Variants in UNC13C observed in about 807,000 individuals in gnomAD.
UNC13C encodes protein unc-13 homolog C.
A neutral mutation model predicts 245.4 loss-of-function variants in UNC13C; 174 were observed. The ratio of observed to expected loss-of-function variants is 0.71; its 90% CI spans 0.63 to 0.80. The LOEUF (loss-of-function observed/expected upper bound fraction) is 0.80. Ranked by LOEUF, UNC13C falls within the 30% of genes least tolerant of loss-of-function variation. The probability of loss-of-function intolerance (pLI) is 0.00; values close to 1 mark genes in which losing one functional copy is unlikely to be tolerated. For missense variants in UNC13C, 2,829 were observed against 2,602.9 expected, an observed-to-expected ratio of 1.09 and a Z score of -1.89; for synonymous variants, 992 against 895.1, an observed-to-expected ratio of 1.11 and a Z score of -1.93.
intron 2 of UNC13C, among the ~76,000 whole-genome samples, chr15:54,060,206 G>A (rs1897746935): frequency 6.6e-6 from 1 of 152,126 alleles, no homozygotes; most frequent in African/African-American, 2.4e-5. Context: ...GAGAATTTTT[G>A]CAACCTACTC....
the UNC13C span, among the ~76,000 whole-genome samples, chr15:53,970,442 A>G: frequency 6.6e-6 from 1 of 152,140 alleles, no homozygotes; most frequent in Admixed American, 6.6e-5. Context: ...CCACTCATCC[A>G]TTGATGGGCA....
chr15:53,888,844 A>G, the UNC13C span, among the ~76,000 whole-genome samples: 2 of 152,162 alleles, frequency 1.3e-5, no homozygotes, highest in African/African-American at 4.8e-5. Context: ...AGGTTTGTCA[A>G]AGATCAGATG....
the UNC13C span, among the ~76,000 whole-genome samples, chr15:53,842,181 ATTAGTC>A: frequency 6.6e-6 from 1 of 152,188 alleles, no homozygotes; most frequent in South Asian, 2.1e-4. Flanking sequence ...TGAAAAGAGT[ATTAGTC>A]TTAAGAGGGG....
Position 54,422,621 on chromosome 15 carries a change from AC to A in UNC13C, c.4933+7555del, listed in dbSNP as rs766669059. Among the ~76,000 whole-genome samples the A allele has an allele frequency of 7.2e-5, 11 of 151,914 alleles. No individual in the cohort carries two copies. The East Asian group carries it at 1.8e-3, about 24-fold the overall frequency. ...CCTTAACTGAGCCAAATGTCTTCCC[AC>A]ACCAGGGCATTCATATTTGCTTGCT... On this transcript the variant is annotated intron_variant, in intron 19 of 32. Transcript: ENST00000260323.
chr15:54,098,134 C>T (rs370562684), intron 2 of UNC13C, among the ~76,000 whole-genome samples: 2 of 152,108 alleles, frequency 1.3e-5, no homozygotes, highest in South Asian at 2.1e-4. Context: ...TGGGCTAAAG[C>T]ACATCCTCCA....
the UNC13C span, among the ~76,000 whole-genome samples, chr15:53,937,324 A>G: frequency 6.6e-6 from 1 of 152,218 alleles, no homozygotes; most frequent in Non-Finnish European, 1.5e-5. Flanking sequence ...ACAGGCAGGC[A>G]AGAATAGAGA....
At chr15:54,258,861 T>G (rs1272588311) in intron 8 of UNC13C, among the ~76,000 whole-genome samples, 1 of 152,186 alleles carries the variant, frequency 6.6e-6, no homozygotes, top group Non-Finnish European at 1.5e-5. Flanking sequence ...ACTAACAAGC[T>G]CAAGACTAAA....
chr15:53,965,567 T>TTTATTTA, the UNC13C span, among the ~76,000 whole-genome samples: 3 of 128,856 alleles, frequency 2.3e-5, no homozygotes, highest in African/African-American at 7.0e-5. Flanking sequence ...TATTTATTTA[T>TTTATTTA]TTATTATTAT....
At chr15:53,927,619 C>CA in the UNC13C span, among the ~76,000 whole-genome samples, 1 of 152,118 alleles carries the variant, frequency 6.6e-6, no homozygotes, top group African/African-American at 2.4e-5. Flanking sequence ...ATGAAGGTGC[C>CA]ATGTACAGAA....
rs140130044 is a variant in UNC13C at position 54,059,607 on chromosome 15, A to G, written c.2983+43721A>G. Among the ~76,000 whole-genome samples, 586 of 152,370 alleles carry G rather than the reference A, an allele frequency of 3.8e-3. 4 individuals are homozygous for G. Among genetic ancestry groups the G allele is most frequent in the African/African-American group, 0.014 (563 of 41,582 alleles). On this transcript the variant is annotated intron_variant, in intron 2 of 32. Transcript: ENST00000260323. ...AATGACTTTCTTCACAGAATTGGAA[A>G]AAACTACTTTAAAGTTATCATATGG...
upstream of UNC13C, among the ~76,000 whole-genome samples, chr15:53,973,690 T>C (rs553856282): frequency 4.8e-4 from 73 of 152,252 alleles, 1 homozygote; most frequent in African/African-American, 1.7e-3. Context: ...CTTCATCTGA[T>C]GATTTGCTGG....
chr15:54,149,520 G>C (rs1313781827), intron 4 of UNC13C, among the ~76,000 whole-genome samples: 1 of 152,106 alleles, frequency 6.6e-6, no homozygotes, highest in East Asian at 1.9e-4. Flanking sequence ...CATTACCACT[G>C]ATCTAGTTTT....
At chr15:54,268,804 A>C (rs1307610929) in intron 10 of UNC13C, among the ~76,000 whole-genome samples, 1 of 152,088 alleles carries the variant, frequency 6.6e-6, no homozygotes, top group African/African-American at 2.4e-5. Flanking sequence ...GCACTATTGC[A>C]TCAAACTTTT....
chr15:54,276,773 CATTA>C (rs555872832), intron 10 of UNC13C, among the ~76,000 whole-genome samples: 77 of 152,150 alleles, frequency 5.1e-4, no homozygotes, highest in South Asian at 2.1e-3. Flanking sequence ...CATTTTTCCC[CATTA>C]GTCTTACGAC....
intron 2 of UNC13C, among the ~76,000 whole-genome samples, chr15:54,017,087 A>G (rs1317091831): frequency 6.6e-6 from 1 of 152,196 alleles, no homozygotes; most frequent in African/African-American, 2.4e-5. Flanking sequence ...AATTTCTAAG[A>G]CAACTGAAAT....
At chr15:53,848,075 C>T in the UNC13C span, among the ~76,000 whole-genome samples, 2 of 142,088 alleles carry the variant, frequency 1.4e-5, no homozygotes, top group South Asian at 4.7e-4. Context: ...TCATTTCGGA[C>T]ATCGGTGATT....
At chr15:53,874,548 C>T in the UNC13C span, among the ~76,000 whole-genome samples, 5 of 152,224 alleles carry the variant, frequency 3.3e-5, no homozygotes, top group East Asian at 1.9e-4. Flanking sequence ...TTTCATTATG[C>T]GGGTGAGAGA....
intron 30 of UNC13C, among the ~76,000 whole-genome samples, chr15:54,598,131 C>T (rs541938949): frequency 4.3e-4 from 65 of 152,142 alleles, no homozygotes; most frequent in Non-Finnish European, 7.2e-4. Context: ...GATGGAGTCT[C>T]GCTTTGTCGC....
chr15:54,577,587 A>G (rs1898011005), intron 30 of UNC13C, among the ~76,000 whole-genome samples: 1 of 152,098 alleles, frequency 6.6e-6, no homozygotes, highest in Non-Finnish European at 1.5e-5. Flanking sequence ...CTCCCTCTGG[A>G]CAAGGTCCTC....
Sources: allele counts gnomAD v4.1 joint callset (sites outside exome capture counted in the v4.1 genomes callset), GRCh38; gene constraint gnomAD v4.1.1; transcripts MANE v1.5; gene names NCBI Gene and HGNC (gene_info 2026-07-23, HGNC 2026-07-21).